RGS8: variants seen among roughly 807,000 people sequenced by gnomAD.
RGS8 encodes regulator of G-protein signaling 8.
Under a neutral mutation model 21.7 loss-of-function variants are expected in RGS8, and 8 were observed. That is an observed-to-expected ratio of 0.37 (90% CI 0.22 to 0.66). The LOEUF is 0.66. RGS8 is among the 30% of genes least tolerant of loss of function. The pLI is 0.59. For missense variants in RGS8, 157 were observed against 217.9 expected (o/e 0.72, Z 1.76); for synonymous variants, 80 against 83.6 (o/e 0.96, Z 0.24).
the RGS8 span, among the ~76,000 whole-genome samples, chr1:182,704,336 A>G: frequency 1.3e-5 from 2 of 152,202 alleles, no homozygotes; most frequent in East Asian, 3.9e-4. Context: ...ATCACTGAAG[A>G]AGCAAATACT....
chr1:182,707,931 C>A, the RGS8 span, among the ~76,000 whole-genome samples: 1 of 152,144 alleles, frequency 6.6e-6, no homozygotes, highest in Non-Finnish European at 1.5e-5. Flanking sequence ...TGGTCTCGAT[C>A]TCCTGACCTC....
At chr1:182,727,181 C>T in the RGS8 span, among the ~76,000 whole-genome samples, 1 of 152,176 alleles carries the variant, frequency 6.6e-6, no homozygotes, top group East Asian at 1.9e-4. Flanking sequence ...CAAGTCAGAC[C>T]ACCTGGCTTC....
the RGS8 span, among the ~76,000 whole-genome samples, chr1:182,702,334 T>C: frequency 3.9e-5 from 6 of 151,902 alleles, no homozygotes; most frequent in Non-Finnish European, 8.8e-5. Flanking sequence ...CACATAAACA[T>C]TGGGTACTCA....
At chr1:182,751,976 G>A in the RGS8 span, among the ~76,000 whole-genome samples, 66,026 of 151,868 alleles carry the variant, frequency 0.43, 14,587 homozygotes, top group Non-Finnish European at 0.48. Flanking sequence ...CCTCACAGGC[G>A]CCGCGGTTCC....
intron 2 of RGS8, 148 bp from the exon 4 acceptor site, chr1:182,669,900 G>C: frequency 1.2e-6 from 1 of 838,182 alleles, no homozygotes; most frequent in Non-Finnish European, 1.7e-6. Context: ...TAGCAGGGGC[G>C]ACAAACCAAG....
At chr1:182,691,797 T>C in the RGS8 span, among the ~76,000 whole-genome samples, 6 of 151,884 alleles carry the variant, frequency 4.0e-5, no homozygotes, top group East Asian at 9.7e-4. Context: ...CTATCCAACA[T>C]AGTACTAGAA....
chr1:182,665,941 G>A, intron 5 of RGS8, 28 bp downstream of exon 6: 2 of 1,587,510 alleles, frequency 1.3e-6, no homozygotes, highest in Non-Finnish European at 1.7e-6. Flanking sequence ...GATTTGCCAT[G>A]TCATGATACG....
At chr1:182,675,878 C>G (rs568007240), upstream of RGS8, among the ~76,000 whole-genome samples, 17 of 152,240 alleles carry the variant, frequency 1.1e-4, no homozygotes, top group South Asian at 3.3e-3. Flanking sequence ...AAAAGACAGA[C>G]TCTTTTACTT....
chr1:182,733,058 T>A, the RGS8 span, among the ~76,000 whole-genome samples: 1 of 152,194 alleles, frequency 6.6e-6, no homozygotes, highest in African/African-American at 2.4e-5. Context: ...AGCAAGTGCA[T>A]CTCATGGTTT....
chr1:182,724,994 T>C, the RGS8 span, among the ~76,000 whole-genome samples: 2 of 152,092 alleles, frequency 1.3e-5, no homozygotes, highest in Non-Finnish European at 2.9e-5. Flanking sequence ...TTTTATAAGG[T>C]GGGAATAAGG....
At chr1:182,669,643 C>T (rs1464747173) in exon 3 of RGS8, 14 of 1,614,202 alleles carry the variant, frequency 8.7e-6, no homozygotes, top group East Asian at 4.5e-5. Context: ...ATCAGTAAGG[C>T]CGCCATACAG....
chr1:182,735,738 T>G, the RGS8 span, among the ~76,000 whole-genome samples: 1 of 152,232 alleles, frequency 6.6e-6, no homozygotes, highest in Admixed American at 6.5e-5. Flanking sequence ...CTCTGGCCCT[T>G]TCTTTTCTAT....
At chr1:182,699,936 G>A in the RGS8 span, among the ~76,000 whole-genome samples, 5 of 152,164 alleles carry the variant, frequency 3.3e-5, no homozygotes, top group African/African-American at 1.2e-4. Context: ...ACAGGAGGGC[G>A]CACCCTCACA....
At chr1:182,737,069 G>C in the RGS8 span, among the ~76,000 whole-genome samples, 1 of 152,138 alleles carries the variant, frequency 6.6e-6, no homozygotes, top group Non-Finnish European at 1.5e-5. Flanking sequence ...GCTCTAGGAA[G>C]AATCTATTCT....
chr1:182,722,401 A>G, the RGS8 span, among the ~76,000 whole-genome samples: 47 of 150,538 alleles, frequency 3.1e-4, no homozygotes, highest in Non-Finnish European at 1.5e-5. Context: ...GGTGACTCAG[A>G]ATAACAGAAA....
At chr1:182,666,775 T>C in intron 4 of RGS8, 97 bp downstream of exon 5, 1 of 869,850 alleles carries the variant, frequency 1.1e-6, no homozygotes, top group Non-Finnish European at 2.0e-6. Flanking sequence ...AGAGACAGGA[T>C]TTTTCCAGTG....
chr1:182,647,679 A>G (rs1662768274), intron 6 of RGS8, among the ~76,000 whole-genome samples: 1 of 152,034 alleles, frequency 6.6e-6, no homozygotes, highest in Admixed American at 6.6e-5. Context: ...TTTATCTCTC[A>G]TGTTCTGAAA....
intron 5 of RGS8, among the ~76,000 whole-genome samples, chr1:182,650,205 C>T (rs972684849): frequency 9.2e-5 from 14 of 152,140 alleles, no homozygotes; most frequent in East Asian, 3.8e-4. Flanking sequence ...CCACCACGCC[C>T]GGCCAACAAC....
At chr1:182,698,787 G>C in the RGS8 span, among the ~76,000 whole-genome samples, 2 of 152,224 alleles carry the variant, frequency 1.3e-5, no homozygotes, top group Non-Finnish European at 2.9e-5. Flanking sequence ...GCCCCAGCTA[G>C]AGTCAGGTGC....
Sources: allele counts gnomAD v4.1 joint callset (sites outside exome capture counted in the v4.1 genomes callset), GRCh38; gene constraint gnomAD v4.1.1; transcripts MANE v1.5; gene names NCBI Gene and HGNC (gene_info 2026-07-23, HGNC 2026-07-21).